The following TOM1L1 variants were observed in gnomAD, a reference collection of about 807,000 sequenced individuals.
TOM1L1 encodes TOM1-like protein 1.
In TOM1L1, 64 loss-of-function variants were observed where a neutral mutation model predicts 63.4. The observed-to-expected ratio is 1.01, with a 90% CI of 0.83 to 1.24. TOM1L1 has a LOEUF of 1.24. Ranked by LOEUF, TOM1L1 falls within the 50% of genes most tolerant of loss-of-function variation. The pLI is 0.00. For missense variants in TOM1L1, 536 were observed against 567.0 expected, an observed-to-expected ratio of 0.95 and a Z score of 0.55; for synonymous variants, 166 against 194.4, an observed-to-expected ratio of 0.85 and a Z score of 1.22.
At chr17:54,914,616 A>C in intron 5 of TOM1L1, 23 bp from the exon 6 acceptor site, 1 of 1,584,366 alleles carries the variant, frequency 6.3e-7, no homozygotes, top group Non-Finnish European at 8.7e-7. Context: ...ACATAATAAT[A>C]TTACCATGTT....
chr17:54,936,845 A>C, intron 9 of TOM1L1, 136 bp downstream of exon 9: 1 of 736,354 alleles, frequency 1.4e-6, no homozygotes, highest in Admixed American at 3.0e-5. Flanking sequence ...AATGGTATAG[A>C]TTACTTGCCT....
At chr17:54,909,230 G>T (rs190674129) in intron 3 of TOM1L1, among the ~76,000 whole-genome samples, 36 of 152,334 alleles carry the variant, frequency 2.4e-4, no homozygotes, top group African/African-American at 8.4e-4. Flanking sequence ...GTGCACTCCA[G>T]CCTGGGTGAC....
Position 54,961,606 on chromosome 17 carries a change from T to C in TOM1L1, c.*373T>C. 1 of 1,169,344 alleles carries C rather than the reference T, an allele frequency of 8.6e-7. No individual in the cohort carries two copies. The highest frequency in any genetic ancestry group is 1.1e-6 in the Non-Finnish European group (1 of 946,332). 72.4% of individuals were successfully genotyped at this position (1,169,344 alleles called of 1,614,324 possible). ...TATTTTACTATGAAATAATTCTGAA[T>C]AGATGAAAGCATAAAATGTGAGAAA... On this transcript the variant is annotated 3_prime_UTR_variant, in exon 16 of 16. Transcript: ENST00000575882.
intron 11 of TOM1L1, among the ~76,000 whole-genome samples, chr17:54,941,827 A>G (rs1009708163): frequency 6.6e-6 from 1 of 152,222 alleles, no homozygotes; most frequent in Non-Finnish European, 1.5e-5. Flanking sequence ...CAGGAGGATC[A>G]TAATGCAGTG....
intron 11 of TOM1L1, among the ~76,000 whole-genome samples, chr17:54,942,000 G>A (rs1335804990): frequency 6.6e-6 from 1 of 152,130 alleles, no homozygotes; most frequent in African/African-American, 2.4e-5. Flanking sequence ...TTTGTTTGCA[G>A]TTTAATTTAT....
At chr17:54,929,699 T>C (rs1159396951) in intron 7 of TOM1L1, among the ~76,000 whole-genome samples, 1 of 152,050 alleles carries the variant, frequency 6.6e-6, no homozygotes, top group East Asian at 1.9e-4. Context: ...AGGGGTATAA[T>C]TTTCATTTAT....
intron 3 of TOM1L1, among the ~76,000 whole-genome samples, chr17:54,909,781 C>T (rs1053259399): frequency 1.3e-5 from 2 of 152,168 alleles, no homozygotes; most frequent in Admixed American, 1.3e-4. Flanking sequence ...TTCCTTGGCT[C>T]CTGAGTTTTC....
intron 7 of TOM1L1, among the ~76,000 whole-genome samples, chr17:54,928,118 G>A (rs925047619): frequency 2.0e-5 from 3 of 152,078 alleles, no homozygotes; most frequent in African/African-American, 4.8e-5. Flanking sequence ...CATTCATTAC[G>A]GGGGTTATAT....
chr17:54,941,094 A>T (rs967050135), intron 11 of TOM1L1, among the ~76,000 whole-genome samples: 3 of 152,028 alleles, frequency 2.0e-5, no homozygotes, highest in African/African-American at 7.2e-5. Flanking sequence ...ATCCTTCCAT[A>T]GTGTCTTTAG....
intron 14 of TOM1L1, chr17:54,957,342 T>G (rs187055905): frequency 6.6e-6 from 1 of 152,366 alleles, no homozygotes; most frequent in African/African-American, 2.4e-5. Flanking sequence ...TTCTGCCTGA[T>G]AGAGTAGATA....
At chr17:54,950,224 C>A in intron 14 of TOM1L1, 98 bp downstream of exon 14, 1 of 882,556 alleles carries the variant, frequency 1.1e-6, no homozygotes, top group Non-Finnish European at 1.7e-6. Context: ...TTGTTTAGGT[C>A]TTGGCAGAAA....
At chr17:54,934,247 G>T (rs1007938819) in intron 8 of TOM1L1, among the ~76,000 whole-genome samples, 1 of 152,168 alleles carries the variant, frequency 6.6e-6, no homozygotes, top group African/African-American at 2.4e-5. Context: ...TGTGGGAGAG[G>T]TAGGTAGCTT....
At chr17:54,946,776 C>T (rs1027382456) in intron 11 of TOM1L1, among the ~76,000 whole-genome samples, 19 of 152,300 alleles carry the variant, frequency 1.2e-4, no homozygotes, top group African/African-American at 4.3e-4. Flanking sequence ...ACCAACAGTT[C>T]AGTGATACTT....
At chr17:54,902,097 T>C (rs1444957603) in intron 1 of TOM1L1, among the ~76,000 whole-genome samples, 1 of 152,164 alleles carries the variant, frequency 6.6e-6, no homozygotes, top group Non-Finnish European at 1.5e-5. Context: ...CTGAGGGAAC[T>C]CACTTTCTTG....
intron 7 of TOM1L1, among the ~76,000 whole-genome samples, chr17:54,924,283 C>CT (rs35210443): frequency 0.29 from 40,284 of 137,396 alleles, 6,152 homozygotes; most frequent in African/African-American, 0.36. Flanking sequence ...TTTCTTTTTT[C>CT]TTTTTTTTTT....
chr17:54,938,955 C>A lies in TOM1L1; in HGVS notation c.1065C>A (p.Asn355Lys). The A allele has an allele frequency of 6.2e-7, 1 of 1,610,982 alleles. No homozygotes were observed. Among genetic ancestry groups the A allele is most frequent in the Non-Finnish European group, 8.5e-7 (1 of 1,178,632 alleles). The change falls in exon 11 of 16, where the codon AAC (asparagine) becomes AAA (lysine). Residue 355 changes from asparagine (N) to lysine (K), a missense_variant. Asn to Lys is a moderately conservative substitution (Grantham distance 94, BLOSUM62 0). Coordinates refer to ENST00000575882, the MANE Select transcript of TOM1L1 (RefSeq NM_005486.3). ...NFSLPSSDVT[N>K]NLKPSLHPQM... ...GCCTTCCAAGTTCTGATGTAACAAA[C>A]AACTTAAAACCCAGTCTTCATCCAC...
chr17:54,932,218 C>T (rs1263785467), intron 8 of TOM1L1, among the ~76,000 whole-genome samples: 1 of 152,100 alleles, frequency 6.6e-6, no homozygotes, highest in African/African-American at 2.4e-5. Context: ...TTTAAGGGCT[C>T]ACAACTCTAA....
chr17:54,922,008 G>A (rs2048691755), intron 7 of TOM1L1, among the ~76,000 whole-genome samples: 1 of 152,052 alleles, frequency 6.6e-6, no homozygotes, highest in African/African-American at 2.4e-5. Context: ...TAAGAAAATT[G>A]TAGGCTGGGC....
Position 54,942,494 on chromosome 17 carries a change from A to G in TOM1L1, c.1130+3474A>G, listed in dbSNP as rs543151327. 3.9e-5 allele frequency: 6 copies of G among 152,166 alleles called. 1 individual carries two copies. Among genetic ancestry groups the G allele is most frequent in the African/African-American group, 1.4e-4 (6 of 41,446 alleles). 9.4% of individuals were successfully genotyped at this position (152,166 alleles called of 1,614,324 possible). A position where few individuals can be genotyped will look rare whatever the true frequency, so the allele number is the denominator to read the frequency against. On this transcript the variant is annotated intron_variant, in intron 11 of 15. Coordinates refer to ENST00000575882, the MANE Select transcript of TOM1L1 (RefSeq NM_005486.3). Reference sequence around the variant, plus strand: ...TTACTAATTACTTAACCTATGAGGTATGTGCCACCATCATTTTCATTTTAA... The same window carrying G: ...TTACTAATTACTTAACCTATGAGGTGTGTGCCACCATCATTTTCATTTTAA...
Sources: gnomAD v4.1 joint callset for allele counts (sites outside exome capture counted in the v4.1 genomes callset) on GRCh38, gnomAD v4.1.1 for gene constraint, MANE v1.5 for transcripts, NCBI Gene and HGNC (gene_info 2026-07-23, HGNC 2026-07-21) for gene names.